PPM1E: variants seen among roughly 807,000 people sequenced by gnomAD.
The protein encoded by PPM1E is protein phosphatase, Mg2+/Mn2+ dependent 1E.
A neutral mutation model predicts 65.9 loss-of-function variants in PPM1E; 20 were observed. That is an observed-to-expected ratio of 0.30 (90% CI 0.21 to 0.44). The LOEUF is 0.44. Among genes scored for constraint, PPM1E ranks in the 20% least tolerant of loss-of-function variants. The pLI is 1.00. For missense variants in PPM1E, 713 were observed against 953.1 expected, an observed-to-expected ratio of 0.75 and a Z score of 3.32; for synonymous variants, 352 against 374.9, an observed-to-expected ratio of 0.94 and a Z score of 0.70.
chr17:58,812,686 T>C (rs2050381004), intron 1 of PPM1E, among the ~76,000 whole-genome samples: 1 of 152,208 alleles, frequency 6.6e-6, no homozygotes. Context: ...CCTGAGTAGC[T>C]GGGATTACAG....
intron 1 of PPM1E, among the ~76,000 whole-genome samples, chr17:58,934,857 A>T (rs1297174475): frequency 6.7e-6 from 1 of 150,170 alleles, no homozygotes; most frequent in African/African-American, 2.5e-5. Flanking sequence ...AACCCAGGAG[A>T]CAGAGGTTGC....
chr17:58,949,017 T>C (rs2052200920), intron 1 of PPM1E, among the ~76,000 whole-genome samples: 1 of 152,226 alleles, frequency 6.6e-6, no homozygotes, highest in South Asian at 2.1e-4. Flanking sequence ...TAAATGTCTG[T>C]TAGAGCTATG....
At chr17:58,794,394 A>G (rs1567835696) in intron 1 of PPM1E, among the ~76,000 whole-genome samples, 1 of 151,980 alleles carries the variant, frequency 6.6e-6, no homozygotes, top group Non-Finnish European at 1.5e-5. Flanking sequence ...ATTATTATTT[A>G]TTTTTTGAAG....
chr17:58,891,415 C>T (rs919754134), intron 1 of PPM1E, among the ~76,000 whole-genome samples: 12 of 152,120 alleles, frequency 7.9e-5, no homozygotes, highest in Admixed American at 3.3e-4. Flanking sequence ...TTCCACCTCC[C>T]GGGTTCAAGC....
chr17:58,883,229 A>G (rs917423207), intron 1 of PPM1E, among the ~76,000 whole-genome samples: 1 of 151,686 alleles, frequency 6.6e-6, no homozygotes, highest in Non-Finnish European at 1.5e-5. Context: ...AAAGTGCTGG[A>G]TTACAGGTGT....
In PPM1E at chr17:58,807,251, A is replaced by G. The variant is rs534541795; in HGVS notation, c.464+50790A>G. On this transcript the variant is annotated intron_variant, in intron 1 of 6. Coordinates refer to ENST00000308249, the MANE Select transcript of PPM1E (RefSeq NM_014906.5). ...TTTTAAAAAGAAAATGTTTTAGTGA[A>G]CATACTTGATTGCTAATTTCTTTCT... 4.6e-5 allele frequency among the ~76,000 whole-genome samples: 7 copies of G among 152,336 alleles called. No individual in the cohort carries two copies. In the East Asian group the frequency reaches 5.8e-4, roughly 13 times the overall value.
At chr17:58,781,219 C>T (rs1598566759) in intron 1 of PPM1E, among the ~76,000 whole-genome samples, 1 of 149,498 alleles carries the variant, frequency 6.7e-6, no homozygotes, top group African/African-American at 2.5e-5. Context: ...CAGCTCACTG[C>T]AACCTCCACC....
chr17:58,818,803 G>T (rs2050451913), intron 1 of PPM1E, among the ~76,000 whole-genome samples: 1 of 152,198 alleles, frequency 6.6e-6, no homozygotes, highest in African/African-American at 2.4e-5. Context: ...AAGGGCAAGA[G>T]TCTGTGATAG....
chr17:58,869,751 A>G (rs992574578), intron 1 of PPM1E, among the ~76,000 whole-genome samples: 2 of 152,202 alleles, frequency 1.3e-5, no homozygotes, highest in African/African-American at 4.8e-5. Context: ...TTTTGTTCCA[A>G]TCAACCACTT....
intron 1 of PPM1E, among the ~76,000 whole-genome samples, chr17:58,927,715 T>A (rs2143556478): frequency 6.6e-6 from 1 of 151,950 alleles, no homozygotes; most frequent in South Asian, 2.1e-4. Context: ...AAGACCAGCT[T>A]GGGCAACAAA....
intron 6 of PPM1E, among the ~76,000 whole-genome samples, chr17:58,978,059 A>AT (rs2031128141): frequency 1.3e-5 from 2 of 152,202 alleles, no homozygotes; most frequent in South Asian, 4.1e-4. Flanking sequence ...AAGAGAACCT[A>AT]TAACAGATAC....
chr17:58,806,428 TA>T (rs532625892), intron 1 of PPM1E, among the ~76,000 whole-genome samples: 2,851 of 146,410 alleles, frequency 0.019, 40 homozygotes, highest in Non-Finnish European at 0.031. Context: ...TAATAAATGG[TA>T]AAAAAAAAAA....
At chr17:58,882,873 T>C (rs1205064573) in intron 1 of PPM1E, among the ~76,000 whole-genome samples, 2 of 152,086 alleles carry the variant, frequency 1.3e-5, no homozygotes, top group African/African-American at 4.8e-5. Flanking sequence ...TTTTTCTGTT[T>C]TTCTGTTTTA....
At chr17:58,878,203 A>G (rs1425706289) in intron 1 of PPM1E, among the ~76,000 whole-genome samples, 6 of 152,134 alleles carry the variant, frequency 3.9e-5, no homozygotes, top group African/African-American at 1.4e-4. Context: ...ACAGCTAGGG[A>G]AAGAAACAAA....
chr17:58,758,938 T>C (rs1347544089), intron 1 of PPM1E, among the ~76,000 whole-genome samples: 4 of 151,864 alleles, frequency 2.6e-5, no homozygotes, highest in Admixed American at 6.6e-5. Context: ...GGCATGGTGG[T>C]GCATGCCTGT....
chr17:58,767,186 C>T (rs1315772367), intron 1 of PPM1E, among the ~76,000 whole-genome samples: 1 of 152,068 alleles, frequency 6.6e-6, no homozygotes, highest in Non-Finnish European at 1.5e-5. Context: ...CTGCTGTGTA[C>T]TATATTCAGT....
chr17:58,781,121 A>G (rs1479110358), intron 1 of PPM1E, among the ~76,000 whole-genome samples: 1 of 151,214 alleles, frequency 6.6e-6, no homozygotes, highest in East Asian at 1.9e-4. Context: ...GAAAATATTT[A>G]AATAAAAGTG....
chr17:58,973,287 G>A (rs2030759277), intron 6 of PPM1E, among the ~76,000 whole-genome samples: 1 of 151,720 alleles, frequency 6.6e-6, no homozygotes, highest in Admixed American at 6.6e-5. Flanking sequence ...CGTGGTGGCG[G>A]GCGCCTGTAA....
intron 1 of PPM1E, among the ~76,000 whole-genome samples, chr17:58,769,119 A>G (rs1319062479): frequency 6.6e-6 from 1 of 152,134 alleles, no homozygotes; most frequent in Non-Finnish European, 1.5e-5. Context: ...ATGCCTGGAG[A>G]TATTTTTTTC....
Sources: gnomAD v4.1 joint callset for allele counts (sites outside exome capture counted in the v4.1 genomes callset) on GRCh38, gnomAD v4.1.1 for gene constraint, MANE v1.5 for transcripts, NCBI Gene and HGNC (gene_info 2026-07-23, HGNC 2026-07-21) for gene names.